TCP10L: variants seen among roughly 807,000 people sequenced by gnomAD.
TCP10L encodes the protein T-complex protein 10A homolog 1.
Under a neutral mutation model 19.2 loss-of-function variants are expected in TCP10L, and 11 were observed. That is an observed-to-expected ratio of 0.57 (90% CI 0.36 to 0.95). TCP10L has a LOEUF of 0.95. Among genes scored for constraint, TCP10L ranks in the 40% least tolerant of loss-of-function variants. The pLI is 0.01. For missense variants in TCP10L, 247 were observed against 263.9 expected (o/e 0.94, Z 0.44); for synonymous variants, 96 against 97.2 (o/e 0.99, Z 0.07).
rs745857360 is a variant in TCP10L at position 32,582,324 on chromosome 21, A to G, written c.236T>C (p.Ile79Thr). The change falls in exon 3 of 5, where the codon ATA (isoleucine) becomes ACA (threonine). Residue 79 changes from isoleucine (I) to threonine (T), a missense_variant. Coordinates refer to ENST00000300258, the MANE Select transcript of TCP10L (RefSeq NM_144659.7). The surrounding 1 kb of genome is among the most constrained non-coding windows in gnomAD (Gnocchi z 4.2). ...ADVHGKLRSH[I>T]DALREQNMEL... The stretch of plus-strand genomic sequence containing the variant: ...CATGTTCTGCTCCCTCAAAGCATCT[A>G]TATGACTCCGGAGTTTTCCATGAAC... 4.3e-6 allele frequency: 7 copies of G among 1,613,756 alleles called. No individual in the cohort carries two copies. The highest frequency in any genetic ancestry group is 2.7e-5 in the African/African-American group (2 of 74,774).
chr21:32,577,048 C>T lies in TCP10L; in HGVS notation c.499-125G>A, dbSNP rs979523103. On this transcript the variant is annotated intron_variant, in intron 4 of 4. Coordinates refer to ENST00000300258, the MANE Select transcript of TCP10L (RefSeq NM_144659.7). ...TCTACTCCCCCTTCCTACAGAAGGA[C>T]ACATGAGGTATCCACACTTAGTGTC... The T allele has an allele frequency of 7.1e-6, 7 of 979,454 alleles. No individual in the cohort carries two copies. In the Middle Eastern group the frequency reaches 1.3e-3, roughly 188 times the overall value. The allele number at this position is 979,454 out of a possible 1,614,324, so 60.7% of individuals were successfully genotyped here.
At chr21:32,581,187 G>A (rs1019298571) in intron 3 of TCP10L, among the ~76,000 whole-genome samples, 1 of 152,220 alleles carries the variant, frequency 6.6e-6, no homozygotes, top group Non-Finnish European at 1.5e-5. Flanking sequence ...GCCATCGACT[G>A]GCGGAATGAC....
Position 32,576,442 on chromosome 21 carries a change from C to A in TCP10L, c.*332G>T. ...CAGCCATCCTCGATTTCCAGCAAGA[C>A]CCCAGGGCTCACCCAACAGCCCGAC... On this transcript the variant is annotated 3_prime_UTR_variant, in exon 5 of 5. Transcript: ENST00000300258. The A allele has an allele frequency of 1.3e-6, 1 of 741,150 alleles. No individual in the cohort carries two copies. The highest frequency in any genetic ancestry group is 1.8e-5 in the African/African-American group (1 of 56,624). The allele number at this position is 741,150 out of a possible 1,614,324, so 45.9% of individuals were successfully genotyped here. A position where few individuals can be genotyped will look rare whatever the true frequency, so the allele number is the denominator to read the frequency against.
At position 32,584,153 on chromosome 21, in the gene TCP10L, C is replaced by T; in HGVS notation, c.144+8G>A. On this transcript the variant is annotated splice_region_variant and intron_variant, in intron 2 of 4. Coordinates refer to ENST00000300258, the MANE Select transcript of TCP10L (RefSeq NM_144659.7). ...GGACTAACTCTGTCCCCACAGAGCT[C>T]AACTCACTGGCATCTCCCCAGTGTT... The T allele has an allele frequency of 1.2e-6, 2 of 1,610,346 alleles. No homozygotes were observed. Among genetic ancestry groups the T allele is most frequent in the Non-Finnish European group, 8.5e-7 (1 of 1,177,534 alleles).
In TCP10L at chr21:32,576,780, A is replaced by G; in HGVS notation, c.642T>C (p.Gly214=). The G allele has an allele frequency of 6.2e-7, 1 of 1,610,088 alleles. No homozygotes were observed. The highest frequency in any genetic ancestry group is 1.3e-5 in the African/African-American group (1 of 74,650). The change falls in exon 5 of 5, where the codon GGT becomes GGC. Residue 214 remains glycine (G), a synonymous_variant. Coordinates refer to ENST00000300258, the MANE Select transcript of TCP10L (RefSeq NM_144659.7). ...RPTPCAERRG[G]V Reference sequence around the variant, plus strand: ...CGAGGCCACCTTTCCATCTTCAGACACCCCCCCGTCTCTCTGCACAGGGAG... The same window carrying G: ...CGAGGCCACCTTTCCATCTTCAGACGCCCCCCCGTCTCTCTGCACAGGGAG...
At chr21:32,583,467 T>C (rs1345743616) in intron 2 of TCP10L, among the ~76,000 whole-genome samples, 1 of 150,546 alleles carries the variant, frequency 6.6e-6, no homozygotes, top group Non-Finnish European at 1.5e-5. Flanking sequence ...CGGGCGCCTG[T>C]AGTCCCAGCT....
intron 4 of TCP10L, 91 bp from the exon 5 acceptor site, chr21:32,577,014 G>A (rs1361584645): frequency 7.4e-7 from 1 of 1,343,630 alleles, no homozygotes; most frequent in East Asian, 2.3e-5. Flanking sequence ...ATCACAGAAT[G>A]TAGATGATTC....
chr21:32,573,747 A>C lies in TCP10L; in HGVS notation c.*3027T>G, dbSNP rs902432616. ...TTGGACCATGTTTTGTGTTTTATTA[A>C]AGTGGTTATCTCCCACTTATATGTT... On this transcript the variant is annotated 3_prime_UTR_variant, in exon 5 of 5. Coordinates refer to ENST00000300258, the MANE Select transcript of TCP10L (RefSeq NM_144659.7). Among the ~76,000 whole-genome samples the C allele has an allele frequency of 2.6e-5, 4 of 152,140 alleles. No homozygotes were observed. Among genetic ancestry groups the C allele is most frequent in the Non-Finnish European group, 4.4e-5 (3 of 68,022 alleles).
rs1024596707 is a variant in TCP10L, at chr21:32,573,837, C to G, written c.*2937G>C. On this transcript the variant is annotated 3_prime_UTR_variant, in exon 5 of 5. Transcript: ENST00000300258. ...TTCAACACCTGATACAAATAACACA[C>G]AGAGACATACAAATAACATACAAAT... Among the ~76,000 whole-genome samples the G allele has an allele frequency of 2.0e-5, 3 of 152,156 alleles. No homozygotes were observed. Among genetic ancestry groups the G allele is most frequent in the Non-Finnish European group, 2.9e-5 (2 of 68,024 alleles).
rs748823469 is a variant in TCP10L, at chr21:32,576,787, C to G, written c.635G>C (p.Arg212Pro). ...ACCTTTCCATCTTCAGACACCCCCC[C>G]GTCTCTCTGCACAGGGAGTTGGCCT... is the stretch of plus-strand genomic sequence containing the variant. Reference protein sequence around the residue: ...TGRPTPCAERRGGV With the variant: ...TGRPTPCAERPGGV Residue 212 changes from arginine (R) to proline (P), a missense_variant, in exon 5 of 5, where the codon CGG becomes CCG. By Grantham distance (103) the Arg-to-Pro change is moderately radical. Coordinates refer to ENST00000300258, the MANE Select transcript of TCP10L (RefSeq NM_144659.7). 26 of 1,613,368 alleles carry G rather than the reference C, an allele frequency of 1.6e-5. No homozygotes were observed. In the Admixed American group the frequency reaches 3.7e-4, roughly 23 times the overall value.
intron 2 of TCP10L, among the ~76,000 whole-genome samples, chr21:32,583,024 C>CTTTTTTTTTTTTTTTTTTTTTTT (rs59972145): frequency 2.1e-5 from 2 of 94,798 alleles, no homozygotes; most frequent in East Asian, 2.9e-4. Context: ...CATTCTTTTC[C>CTTTTTTTTTTTTTTTTTTTTTTT]TTTTTTTTTT....
chr21:32,583,588 CAAAAAA>C (rs771224269), intron 2 of TCP10L, among the ~76,000 whole-genome samples: 7,783 of 82,610 alleles, frequency 0.094, 352 homozygotes, highest in Middle Eastern at 0.23. Context: ...GACTCCGTCT[CAAAAAA>C]AAAAAAAAAA....
At chr21:32,579,280 T>A (rs1421458583) in intron 3 of TCP10L, among the ~76,000 whole-genome samples, 1 of 152,222 alleles carries the variant, frequency 6.6e-6, no homozygotes, top group East Asian at 1.9e-4. Flanking sequence ...AGGGTGATCC[T>A]TCAGGTGGGA....
Position 32,582,306 on chromosome 21 carries a change from T to C in TCP10L, c.254A>G (p.Gln85Arg). 6.2e-7 allele frequency: 1 copy of C among 1,614,192 alleles called. No homozygotes were observed. The highest frequency in any genetic ancestry group is 1.1e-5 in the South Asian group (1 of 91,080). ...LRSHIDALRE[Q>R]NMELREKLRA... ...CAGCTTTTCTCGGAGCTCCATGTTC[T>C]GCTCCCTCAAAGCATCTATATGACT... The change falls in exon 3 of 5, where the codon CAG becomes CGG. Residue 85 changes from glutamine (Q) to arginine (R), a missense_variant. By Grantham distance (43) the Gln-to-Arg change is conservative (BLOSUM62 1). Coordinates refer to ENST00000300258, the MANE Select transcript of TCP10L (RefSeq NM_144659.7). The surrounding 1 kb of genome is among the most constrained non-coding windows in gnomAD (Gnocchi z 4.2).
Position 32,578,780 on chromosome 21 carries a change from T to C in TCP10L, c.412A>G (p.Thr138Ala). ...TTGTGGCCAGCGTATTTGGGTATTG[T>C]CTCTTCATCAGCTGACAGAGGTGAA... ...KISPLSADEE[T>A]IPKYAGHKNQ... The change falls in exon 4 of 5, where the codon ACA (threonine) becomes GCA (alanine). Residue 138 changes from threonine (T) to alanine (A), a missense_variant. Transcript: ENST00000300258. The surrounding 1 kb of genome is among the most constrained non-coding windows in gnomAD (Gnocchi z 4.2). 6.2e-7 allele frequency: 1 copy of C among 1,614,176 alleles called. No individual in the cohort carries two copies. Among genetic ancestry groups the C allele is most frequent in the Non-Finnish European group, 8.5e-7 (1 of 1,180,030 alleles).
At chr21:32,581,261 A>C (rs1297633147) in intron 3 of TCP10L, among the ~76,000 whole-genome samples, 1 of 152,182 alleles carries the variant, frequency 6.6e-6, no homozygotes, top group Non-Finnish European at 1.5e-5. Context: ...TCCCAAGGGG[A>C]AAACTGCCTT....
chr21:32,585,241 G>A (rs1211517964), intron 1 of TCP10L, among the ~76,000 whole-genome samples, 180 bp downstream of exon 1: 1 of 152,210 alleles, frequency 6.6e-6, no homozygotes, highest in Admixed American at 6.5e-5. Flanking sequence ...CTTCCCCGCG[G>A]AGACTGGGAA....
intron 3 of TCP10L, among the ~76,000 whole-genome samples, chr21:32,580,000 C>T (rs1568980288): frequency 1.3e-5 from 2 of 152,172 alleles, no homozygotes; most frequent in Non-Finnish European, 2.9e-5. Context: ...GCAGCAGAAG[C>T]CATCTCCATG....
rs188203787 is a variant in TCP10L, at chr21:32,584,071, A to G, written c.144+90T>C. On this transcript the variant is annotated intron_variant, in intron 2 of 4. Coordinates refer to ENST00000300258, the MANE Select transcript of TCP10L (RefSeq NM_144659.7). The stretch of plus-strand genomic sequence containing the variant: ...GGGTGGTGCATTCCTACAGGGGTCC[A>G]GCAAGGGAAAGTCCAATGACGGGCC... 2.2e-3 allele frequency: 3,380 copies of G among 1,506,152 alleles called. 11 individuals carry two copies. Among genetic ancestry groups the G allele is most frequent in the Non-Finnish European group, 2.3e-3 (2,534 of 1,120,862 alleles). 93.3% of individuals were successfully genotyped at this position (1,506,152 alleles called of 1,614,324 possible).
Sources: gnomAD v4.1 joint callset for allele counts (sites outside exome capture counted in the v4.1 genomes callset) on GRCh38, gnomAD v4.1.1 for gene constraint, Gnocchi (gnomAD v3.1) non-coding constraint, MANE v1.5 for transcripts, NCBI Gene and HGNC (gene_info 2026-07-23, HGNC 2026-07-21) for gene names.